Variants in STK24 observed in about 807,000 individuals in gnomAD.
STK24 encodes serine/threonine-protein kinase 24.
Under a neutral mutation model 55.6 loss-of-function variants are expected in STK24, and 21 were observed. The observed-to-expected ratio is 0.38, with a 90% CI of 0.27 to 0.54. The LOEUF is 0.54. Ranked by LOEUF, STK24 falls within the 20% of genes least tolerant of loss-of-function variation. The pLI is 0.79. For missense variants in STK24, 383 were observed against 538.4 expected (o/e 0.71, Z 2.86); for synonymous variants, 200 against 215.2 (o/e 0.93, Z 0.62).
At position 98,500,495 on chromosome 13, in the gene STK24, A is replaced by C. The variant is rs192002322; in HGVS notation, c.274-18174T>G. Among the ~76,000 whole-genome samples, 221 of 152,328 alleles carry C rather than the reference A, an allele frequency of 1.5e-3. 2 individuals carry two copies. Among genetic ancestry groups the C allele is most frequent in the African/African-American group, 5.2e-3 (215 of 41,568 alleles). ...CCCTTAGAGAGTCCCAAAAGCTCTG[A>C]GAATACTGTAACAGAAACCTGCTAA... On this transcript the variant is annotated intron_variant, in intron 2 of 10. Coordinates refer to ENST00000539966, the MANE Select transcript of STK24 (RefSeq NM_001032296.4).
chr13:98,464,075 T>C (rs1893833360), intron 6 of STK24, among the ~76,000 whole-genome samples: 1 of 152,076 alleles, frequency 6.6e-6, no homozygotes, highest in Admixed American at 6.5e-5. Flanking sequence ...AATAAATACA[T>C]TTTCACAGAA....
At chr13:98,563,346 T>C (rs1594672920) in intron 1 of STK24, among the ~76,000 whole-genome samples, 2 of 152,072 alleles carry the variant, frequency 1.3e-5, no homozygotes, top group Non-Finnish European at 2.9e-5. Flanking sequence ...GGCCAGGAAA[T>C]GCAAGTAGTT....
intron 2 of STK24, among the ~76,000 whole-genome samples, chr13:98,517,876 G>T (rs766591814): frequency 6.6e-6 from 1 of 152,168 alleles, no homozygotes; most frequent in African/African-American, 2.4e-5. Flanking sequence ...GATGAGGTAT[G>T]AATAAATGCT....
chr13:98,516,262 G>T (rs1030114331), intron 2 of STK24, among the ~76,000 whole-genome samples: 1 of 152,132 alleles, frequency 6.6e-6, no homozygotes, highest in African/African-American at 2.4e-5. Flanking sequence ...TTAAAATCCG[G>T]GCCAACTTTC....
intron 7 of STK24, among the ~76,000 whole-genome samples, chr13:98,463,123 C>T (rs994245275): frequency 2.0e-5 from 3 of 152,250 alleles, no homozygotes; most frequent in East Asian, 1.9e-4. Context: ...AAGGCATGCA[C>T]GAGAACAGAC....
In STK24 at chr13:98,519,321, C is replaced by G; in HGVS notation, c.195G>C (p.Glu65Asp). Reference protein sequence around the residue: ...IDLEEAEDEIEDIQQEITVLS... With the variant: ...IDLEEAEDEIDDIQQEITVLS... ...GCACTGTGATTTCTTGTTGAATGTC[C>G]TCTATCTCATCTTCAGCTTCTTCCA... The change falls in exon 2 of 11, where the codon GAG becomes GAC. Residue 65 changes from glutamate (E) to aspartate (D), a missense_variant. Glu to Asp is a conservative substitution (Grantham distance 45). Transcript: ENST00000539966. The G allele has an allele frequency of 1.2e-6, 2 of 1,614,160 alleles. No individual in the cohort carries two copies. Among genetic ancestry groups the G allele is most frequent in the Non-Finnish European group, 1.7e-6 (2 of 1,180,032 alleles).
chr13:98,535,371 AT>A (rs767780946), intron 1 of STK24, among the ~76,000 whole-genome samples: 2,092 of 37,400 alleles, frequency 0.056, 33 homozygotes, highest in Middle Eastern at 0.083. Context: ...CAAAAAAAAA[AT>A]ATATATATAT....
intron 1 of STK24, among the ~76,000 whole-genome samples, chr13:98,556,172 A>G (rs1279023370): frequency 2.6e-5 from 4 of 152,194 alleles, no homozygotes; most frequent in African/African-American, 7.2e-5. Context: ...ATTCCCCAAC[A>G]GGGCTGGCAG....
intron 1 of STK24, among the ~76,000 whole-genome samples, chr13:98,535,436 C>T (rs1594649291): frequency 7.4e-6 from 1 of 134,494 alleles, no homozygotes; most frequent in South Asian, 2.4e-4. Flanking sequence ...CACACACACA[C>T]GCAATGCATT....
At chr13:98,490,105 C>T (rs1392612120) in intron 2 of STK24, among the ~76,000 whole-genome samples, 1 of 152,152 alleles carries the variant, frequency 6.6e-6, no homozygotes, top group Non-Finnish European at 1.5e-5. Flanking sequence ...CAAACAGCAA[C>T]AGCAGGTAGG....
At chr13:98,466,233 C>G (rs777029554) in intron 6 of STK24, 143 bp downstream of exon 6, 38 of 718,904 alleles carry the variant, frequency 5.3e-5, no homozygotes, top group Non-Finnish European at 7.1e-5. Context: ...CCAAAGAAGT[C>G]AATCATACTT....
At chr13:98,455,186 G>C (rs77592056) in intron 10 of STK24, 19,985 of 152,234 alleles carry the variant, frequency 0.13, 1,436 homozygotes, top group Middle Eastern at 0.22. Context: ...ATGTATTGTT[G>C]AAACTAATTT....
chr13:98,560,041 T>A (rs1897379365), intron 1 of STK24, among the ~76,000 whole-genome samples: 1 of 152,200 alleles, frequency 6.6e-6, no homozygotes, highest in African/African-American at 2.4e-5. Flanking sequence ...TTATCCAAAC[T>A]TTCAAAATCC....
At chr13:98,467,325 A>G (rs138659133) in intron 5 of STK24, among the ~76,000 whole-genome samples, 2 of 152,298 alleles carry the variant, frequency 1.3e-5, no homozygotes, top group Non-Finnish European at 2.9e-5. Context: ...CCGTGTGCCA[A>G]TATACAGACT....
chr13:98,559,956 C>G (rs1897377342), intron 1 of STK24, among the ~76,000 whole-genome samples: 1 of 152,054 alleles, frequency 6.6e-6, no homozygotes, highest in South Asian at 2.1e-4. Context: ...CAAGTCCAGA[C>G]TGGGCAACAT....
intron 1 of STK24, among the ~76,000 whole-genome samples, chr13:98,524,710 C>T (rs373533143): frequency 2.5e-3 from 378 of 152,288 alleles, no homozygotes; most frequent in Non-Finnish European, 3.8e-3. Flanking sequence ...GAAACCACTG[C>T]GGGAGAAAAG....
chr13:98,457,154 C>A lies in STK24; in HGVS notation c.1259+14G>T. On this transcript the variant is annotated intron_variant, in intron 10 of 10. Coordinates refer to ENST00000539966, the MANE Select transcript of STK24 (RefSeq NM_001032296.4). ...TCTCTCCTTCCCCAGCCCAGAGGGG[C>A]CCTGGGTAGTTACCTCTGGAGCCGC... is the stretch of plus-strand genomic sequence containing the variant. 6.2e-7 allele frequency: 1 copy of A among 1,608,570 alleles called. No individual in the cohort carries two copies.
At chr13:98,491,778 C>A (rs570237999) in intron 2 of STK24, among the ~76,000 whole-genome samples, 19 of 150,052 alleles carry the variant, frequency 1.3e-4, no homozygotes, top group African/African-American at 3.9e-4. Flanking sequence ...CATAAATAAT[C>A]AAAAATATTG....
intron 2 of STK24, among the ~76,000 whole-genome samples, chr13:98,512,787 G>A (rs1895930211): frequency 6.6e-6 from 1 of 152,126 alleles, no homozygotes; most frequent in Non-Finnish European, 1.5e-5. Context: ...ATGTCTCAGG[G>A]AATATTAACT....
Sources: allele counts gnomAD v4.1 joint callset (sites outside exome capture counted in the v4.1 genomes callset), GRCh38; gene constraint gnomAD v4.1.1; transcripts MANE v1.5; gene names NCBI Gene and HGNC (gene_info 2026-07-23, HGNC 2026-07-21).